The following HAPLN2 variants were observed in gnomAD, a reference collection of about 807,000 sequenced individuals.
HAPLN2 encodes the protein hyaluronan and proteoglycan link protein 2.
In HAPLN2, 27 loss-of-function variants were observed where a neutral mutation model predicts 29.3. The ratio of observed to expected loss-of-function variants is 0.92; its 90% CI spans 0.68 to 1.27. The LOEUF is 1.27. Among genes scored for constraint, HAPLN2 ranks in the 50% most tolerant of loss-of-function variants. The probability of loss-of-function intolerance (pLI) is 0.00; values close to 1 mark genes in which losing one functional copy is unlikely to be tolerated. For missense variants in HAPLN2, 454 were observed against 484.3 expected (o/e 0.94, Z 0.59); for synonymous variants, 208 against 211.7 (o/e 0.98, Z 0.15).
At chr1:156,623,325 T>C in intron 2 of HAPLN2, 142 bp from the exon 3 acceptor site, 1 of 634,576 alleles carries the variant, frequency 1.6e-6, no homozygotes, top group Non-Finnish European at 2.7e-6. Flanking sequence ...CTTCATTTTG[T>C]CACCAACCCC....
the HAPLN2 span, among the ~76,000 whole-genome samples, chr1:156,611,180 G>A: frequency 1.3e-5 from 2 of 151,588 alleles, no homozygotes; most frequent in Non-Finnish European, 2.9e-5. Context: ...CGACTCAGGA[G>A]GCTAAGGCGG....
At chr1:156,608,542 T>C in the HAPLN2 span, among the ~76,000 whole-genome samples, 3 of 151,874 alleles carry the variant, frequency 2.0e-5, 1 homozygote, top group African/African-American at 7.3e-5. Context: ...CTTCCTTCCT[T>C]TCCTTACTTT....
chr1:156,622,104 T>C (rs1241376651), intron 2 of HAPLN2, among the ~76,000 whole-genome samples: 1 of 152,172 alleles, frequency 6.6e-6, no homozygotes, highest in Non-Finnish European at 1.5e-5. Flanking sequence ...ATACATATTA[T>C]GTTCAAATTC....
At chr1:156,603,415 C>T in the HAPLN2 span, among the ~76,000 whole-genome samples, 1 of 149,648 alleles carries the variant, frequency 6.7e-6, no homozygotes, top group African/African-American at 2.5e-5. Flanking sequence ...TCAATTTCCA[C>T]CCACCCCCAC....
chr1:156,611,976 T>TC, the HAPLN2 span, among the ~76,000 whole-genome samples: 3 of 152,200 alleles, frequency 2.0e-5, no homozygotes, highest in Non-Finnish European at 4.4e-5. Context: ...GAAGAAAACT[T>TC]CAATTTTATT....
At chr1:156,612,317 C>T in the HAPLN2 span, among the ~76,000 whole-genome samples, 1 of 152,206 alleles carries the variant, frequency 6.6e-6, no homozygotes, top group Admixed American at 6.5e-5. Flanking sequence ...AGCCACCGCG[C>T]CCGCCAGTAA....
chr1:156,621,660 G>T (rs369505904), intron 2 of HAPLN2, among the ~76,000 whole-genome samples: 17 of 151,198 alleles, frequency 1.1e-4, no homozygotes, highest in African/African-American at 4.1e-4. Context: ...GGAGGTGGAG[G>T]TTGCAGTGAG....
intron 6 of HAPLN2, 82 bp downstream of exon 6, chr1:156,624,865 A>C: frequency 5.7e-6 from 8 of 1,394,436 alleles, no homozygotes; most frequent in Non-Finnish European, 7.5e-6. Context: ...GCTTGAGATC[A>C]GGGCAGGGTC....
chr1:156,610,814 G>T, the HAPLN2 span, among the ~76,000 whole-genome samples: 1 of 152,074 alleles, frequency 6.6e-6, no homozygotes, highest in African/African-American at 2.4e-5. Flanking sequence ...TGTTCCTGGG[G>T]GCGGTGAGAA....
chr1:156,623,385 T>A lies in HAPLN2; in HGVS notation c.-24-82T>A. ...GCTGGACAGTCCCTTCTAGGATCTC[T>A]GATGGGAGTTCACCCACAACCCTGC... On this transcript the variant is annotated intron_variant, in intron 2 of 6. Coordinates refer to ENST00000255039, the MANE Select transcript of HAPLN2 (RefSeq NM_021817.3). 2.5e-6 allele frequency: 3 copies of A among 1,178,510 alleles called. No homozygotes were observed. The South Asian group carries it at 4.3e-5, about 17-fold the overall frequency. 73.0% of individuals were successfully genotyped at this position (1,178,510 alleles called of 1,614,324 possible).
rs888204825 is a variant in HAPLN2, at chr1:156,625,558, G to A, written c.*174G>A. On this transcript the variant is annotated 3_prime_UTR_variant, in exon 7 of 7. Coordinates refer to ENST00000255039, the MANE Select transcript of HAPLN2 (RefSeq NM_021817.3). The surrounding 1 kb of genome is among the most constrained non-coding windows in gnomAD (Gnocchi z 5.7). ...CGGACCCCGGCTGGCCCGGCGGCGGGGAGGGGAGGCGGGGGCGCCTCCGGC... is the reference window on the plus strand; with the variant it reads ...CGGACCCCGGCTGGCCCGGCGGCGGAGAGGGGAGGCGGGGGCGCCTCCGGC... The A allele has an allele frequency of 6.1e-6, 4 of 655,272 alleles. No homozygotes were observed. In the African/African-American group the frequency reaches 7.7e-5, roughly 13 times the overall value. The allele number at this position is 655,272 out of a possible 1,614,324, so 40.6% of individuals were successfully genotyped here. A position where few individuals can be genotyped will look rare whatever the true frequency, so the allele number is the denominator to read the frequency against.
intron 2 of HAPLN2, among the ~76,000 whole-genome samples, chr1:156,621,449 T>C (rs943239418): frequency 6.6e-6 from 1 of 151,542 alleles, no homozygotes; most frequent in Non-Finnish European, 1.5e-5. Flanking sequence ...AATGATACAA[T>C]AGGTGCTGGA....
the HAPLN2 span, among the ~76,000 whole-genome samples, chr1:156,607,718 T>C: frequency 6.6e-6 from 1 of 152,184 alleles, no homozygotes; most frequent in Non-Finnish European, 1.5e-5. Flanking sequence ...CATAGTGTTA[T>C]AAAAGTCAGG....
chr1:156,612,565 C>T, the HAPLN2 span, among the ~76,000 whole-genome samples: 4 of 152,124 alleles, frequency 2.6e-5, no homozygotes, highest in East Asian at 1.9e-4. Flanking sequence ...CTGTTTCTTG[C>T]TTCTGTTAAG....
chr1:156,603,418 A>G, the HAPLN2 span, among the ~76,000 whole-genome samples: 2 of 130,324 alleles, frequency 1.5e-5, no homozygotes, highest in Admixed American at 7.9e-5. Context: ...ATTTCCACCC[A>G]CCCCCACCTC....
the HAPLN2 span, among the ~76,000 whole-genome samples, chr1:156,608,931 G>A: frequency 6.6e-6 from 1 of 152,282 alleles, no homozygotes; most frequent in Non-Finnish European, 1.5e-5. Context: ...AAGATGCTGT[G>A]GAAAAATTTC....
At chr1:156,603,920 G>A in the HAPLN2 span, among the ~76,000 whole-genome samples, 4 of 152,204 alleles carry the variant, frequency 2.6e-5, no homozygotes, top group Non-Finnish European at 5.9e-5. Context: ...AAGATGAGAA[G>A]CATCTGACCC....
In HAPLN2 at chr1:156,625,056, C is replaced by G. The variant is rs1213001261; in HGVS notation, c.740-45C>G. On this transcript the variant is annotated intron_variant, in intron 6 of 6. Coordinates refer to ENST00000255039, the MANE Select transcript of HAPLN2 (RefSeq NM_021817.3). This position sits in a 1 kb window ranked among gnomAD's most constrained non-coding sequence, Gnocchi z 5.7. ...CGCCTCCTGGGTGTCAGCCGCCCCT[C>G]TCCGCCCACCCTGCCCTCGGTCGGT... 2 of 1,526,036 alleles carry G rather than the reference C, an allele frequency of 1.3e-6. No homozygotes were observed. Among genetic ancestry groups the G allele is most frequent in the Non-Finnish European group, 1.7e-6 (2 of 1,142,908 alleles). 94.5% of individuals were successfully genotyped at this position (1,526,036 alleles called of 1,614,324 possible).
At chr1:156,619,097 C>T (rs559649151), upstream of HAPLN2, among the ~76,000 whole-genome samples, 13 of 152,220 alleles carry the variant, frequency 8.5e-5, no homozygotes, top group African/African-American at 2.9e-4. Context: ...GACAAAATCT[C>T]TTTAGAGCCC....
Sources: allele counts gnomAD v4.1 joint callset (sites outside exome capture counted in the v4.1 genomes callset), GRCh38; gene constraint gnomAD v4.1.1; non-coding constraint Gnocchi (gnomAD v3.1); transcripts MANE v1.5; gene names NCBI Gene and HGNC (gene_info 2026-07-23, HGNC 2026-07-21).